MED13L: variants seen among roughly 807,000 people sequenced by gnomAD.
MED13L encodes mediator of RNA polymerase II transcription subunit 13-like.
A neutral mutation model predicts 220.9 loss-of-function variants in MED13L; 7 were observed. The observed-to-expected ratio is 0.03, with a 90% CI of 0.02 to 0.06. The LOEUF (loss-of-function observed/expected upper bound fraction) is 0.06, where lower values mean the gene tolerates loss of function less well. MED13L is among the 10% of genes least tolerant of loss of function. The pLI, the probability that MED13L is intolerant of heterozygous loss-of-function variation, is 1.00. For missense variants in MED13L, 1,965 were observed against 2,760.5 expected (o/e 0.71, Z 6.46); for synonymous variants, 1,011 against 1,015.2 (o/e 1.00, Z 0.08).
intron 16 of MED13L, among the ~76,000 whole-genome samples, chr12:115,992,829 T>C (rs1003333428): frequency 7.2e-5 from 11 of 152,184 alleles, no homozygotes; most frequent in African/African-American, 2.7e-4. Flanking sequence ...TACTTTCTCA[T>C]AAGCAGTGAC....
chr12:116,276,934 A>G, intron 1 of MED13L, 126 bp downstream of exon 1: 2 of 1,113,050 alleles, frequency 1.8e-6, no homozygotes, highest in Non-Finnish European at 2.6e-6. Context: ...GCGAGAGGCG[A>G]ACGGCGGGGA....
In MED13L at chr12:115,982,542, G is replaced by A. The variant is rs1877400126; in HGVS notation, c.5017C>T (p.His1673Tyr). 3 of 1,614,012 alleles carry A rather than the reference G, an allele frequency of 1.9e-6. No individual in the cohort carries two copies. Among genetic ancestry groups the A allele is most frequent in the African/African-American group, 1.3e-5 (1 of 74,924 alleles). Reference sequence around the variant, plus strand: ...ATGTAAATGACAACAGCTGGAGGGTGGGCATGGCTGTCTGCAGAGTCAGGC... The same window carrying A: ...ATGTAAATGACAACAGCTGGAGGGTAGGCATGGCTGTCTGCAGAGTCAGGC... ...TEPDSADSHA[H>Y]PPAVVIYMVD... The change falls in exon 22 of 31, where the codon CAC becomes TAC. Residue 1673 changes from histidine (H) to tyrosine (Y), a missense_variant. Transcript: ENST00000281928.
intron 4 of MED13L, among the ~76,000 whole-genome samples, chr12:116,085,363 A>G (rs1331098490): frequency 2.6e-5 from 4 of 152,220 alleles, no homozygotes; most frequent in Non-Finnish European, 4.4e-5. Flanking sequence ...CAATAATTAT[A>G]AGAATCAAAG....
chr12:116,005,011 T>C (rs1237010089), intron 13 of MED13L, among the ~76,000 whole-genome samples: 2 of 152,120 alleles, frequency 1.3e-5, no homozygotes, highest in Non-Finnish European at 2.9e-5. Flanking sequence ...TGTCTGTGAG[T>C]GTCTCAAGTA....
In MED13L at chr12:115,960,930, T is replaced by C. The variant is rs537835306; in HGVS notation, c.*336A>G. 2.7e-6 allele frequency: 1 copy of C among 373,414 alleles called. No individual in the cohort carries two copies. The allele number at this position is 373,414 out of a possible 1,614,324, so 23.1% of individuals were successfully genotyped here. On this transcript the variant is annotated 3_prime_UTR_variant, in exon 31 of 31. Transcript: ENST00000281928. The stretch of plus-strand genomic sequence containing the variant: ...ATACAGAGGCTGAAAACACAGACTC[T>C]TGTGCAAAAGGACACTGTCTCTTCT...
intron 2 of MED13L, among the ~76,000 whole-genome samples, chr12:116,119,832 AAAAAAAATAT>A (rs1392810763): frequency 1.2e-3 from 139 of 113,470 alleles, no homozygotes; most frequent in Non-Finnish European, 2.1e-3. Flanking sequence ...AAAAAAAAAA[AAAAAAAATAT>A]ATATATATAT....
chr12:116,210,934 A>G (rs983726947), intron 2 of MED13L, among the ~76,000 whole-genome samples: 2 of 152,186 alleles, frequency 1.3e-5, no homozygotes, highest in Admixed American at 1.3e-4. Flanking sequence ...ACCTGAAGCT[A>G]TCAACTTGAA....
chr12:116,218,121 A>G (rs1721762986), intron 2 of MED13L, among the ~76,000 whole-genome samples: 1 of 152,218 alleles, frequency 6.6e-6, no homozygotes, highest in African/African-American at 2.4e-5. Flanking sequence ...GCCTTTCTCT[A>G]ATTAAACTTT....
chr12:116,202,361 G>A (rs1009432473), intron 2 of MED13L, among the ~76,000 whole-genome samples: 3 of 152,066 alleles, frequency 2.0e-5, no homozygotes, highest in African/African-American at 7.2e-5. Context: ...AGTACCCTTC[G>A]TTCAAAGCAG....
chr12:116,003,450 T>C (rs1451439567), intron 13 of MED13L, among the ~76,000 whole-genome samples: 2 of 151,988 alleles, frequency 1.3e-5, no homozygotes, highest in African/African-American at 4.8e-5. Context: ...GTTTCCCTTA[T>C]ACTTGGAAGC....
intron 2 of MED13L, among the ~76,000 whole-genome samples, chr12:116,202,771 C>T (rs1475712904): frequency 6.6e-6 from 1 of 152,182 alleles, no homozygotes; most frequent in African/African-American, 2.4e-5. Flanking sequence ...TCACGGTCAG[C>T]GTCTCCCCAC....
At chr12:116,050,522 T>C (rs2137582670) in intron 4 of MED13L, among the ~76,000 whole-genome samples, 1 of 152,072 alleles carries the variant, frequency 6.6e-6, no homozygotes, top group Non-Finnish European at 1.5e-5. Flanking sequence ...ACTAAAGACT[T>C]CTCCCCCTGA....
intron 4 of MED13L, among the ~76,000 whole-genome samples, chr12:116,039,305 G>A (rs1280268715): frequency 6.6e-6 from 1 of 152,162 alleles, no homozygotes; most frequent in Non-Finnish European, 1.5e-5. Flanking sequence ...TTCATACTCA[G>A]CACTGTTGCA....
chr12:116,217,497 C>T (rs912417947), intron 2 of MED13L, among the ~76,000 whole-genome samples: 5 of 152,140 alleles, frequency 3.3e-5, no homozygotes, highest in Admixed American at 2.6e-4. Context: ...AGACAGTTCA[C>T]GTCGGCCCAT....
intron 2 of MED13L, among the ~76,000 whole-genome samples, chr12:116,141,209 C>A (rs897850530): frequency 3.3e-5 from 5 of 152,184 alleles, no homozygotes; most frequent in African/African-American, 9.6e-5. Context: ...ATTAAATAAG[C>A]CACAATTAAT....
intron 2 of MED13L, chr12:116,169,270 A>C (rs888972674): frequency 6.6e-6 from 1 of 152,638 alleles, no homozygotes; most frequent in African/African-American, 2.4e-5. Context: ...GAGGATAAAT[A>C]ATGGCTGCTC....
chr12:116,183,237 C>T (rs999931757), intron 2 of MED13L, among the ~76,000 whole-genome samples: 2 of 152,156 alleles, frequency 1.3e-5, no homozygotes, highest in African/African-American at 4.8e-5. Flanking sequence ...AGCTACTCTG[C>T]AGATTGTATG....
At position 116,031,724 on chromosome 12, in the gene MED13L, A is replaced by AG. The variant is rs1309371808; in HGVS notation, c.480-9124dup. 7.2e-5 allele frequency among the ~76,000 whole-genome samples: 6 copies of AG among 83,738 alleles called. No homozygotes were observed. In the South Asian group the frequency reaches 2.2e-3, roughly 31 times the overall value. The allele number at this position is 83,738 out of a possible 152,430, so 54.9% of individuals were successfully genotyped here. A position where few individuals can be genotyped will look rare whatever the true frequency, so the allele number is the denominator to read the frequency against. On this transcript the variant is annotated intron_variant, in intron 4 of 30. Coordinates refer to ENST00000281928, the MANE Select transcript of MED13L (RefSeq NM_015335.5). The stretch of plus-strand genomic sequence containing the variant: ...AGAAAAGAAAAGAAAAGAAAAGAAA[A>AG]GAAAAGAAAAGAAAAGAAAAGAAAA...
intron 4 of MED13L, among the ~76,000 whole-genome samples, chr12:116,088,881 T>G (rs553043840): frequency 2.5e-4 from 38 of 152,116 alleles, no homozygotes; most frequent in African/African-American, 9.2e-4. Flanking sequence ...ATATCATTGT[T>G]CAGAATATAA....
Sources: gnomAD v4.1 joint callset for allele counts (sites outside exome capture counted in the v4.1 genomes callset) on GRCh38, gnomAD v4.1.1 for gene constraint, MANE v1.5 for transcripts, NCBI Gene and HGNC (gene_info 2026-07-23, HGNC 2026-07-21) for gene names.